PTPRT: variants seen among roughly 807,000 people sequenced by gnomAD.
PTPRT encodes the protein receptor-type tyrosine-protein phosphatase T.
PTPRT carries 56 observed loss-of-function variants against 176.8 expected under a neutral mutation model. The ratio of observed to expected loss-of-function variants is 0.32; its 90% CI spans 0.26 to 0.40. PTPRT has a LOEUF of 0.40. PTPRT is among the 10% of genes least tolerant of loss of function. PTPRT has a pLI of 1.00. For missense variants in PTPRT, 1,540 were observed against 1,908.2 expected (o/e 0.81, Z 3.60); for synonymous variants, 783 against 739.0 (o/e 1.06, Z -0.96).
chr20:42,177,695 T>C (rs1600636802), intron 16 of PTPRT, among the ~76,000 whole-genome samples: 1 of 152,198 alleles, frequency 6.6e-6, no homozygotes, highest in South Asian at 2.1e-4. Flanking sequence ...TGGCTTTAGT[T>C]TGGGGCCAGT....
At chr20:42,404,182 A>G (rs1351056675) in intron 9 of PTPRT, among the ~76,000 whole-genome samples, 2 of 152,140 alleles carry the variant, frequency 1.3e-5, no homozygotes, top group Non-Finnish European at 2.9e-5. Flanking sequence ...CATATGTTTG[A>G]GTTCTCACCA....
intron 9 of PTPRT, among the ~76,000 whole-genome samples, chr20:42,424,675 A>C (rs2059147509): frequency 6.6e-6 from 1 of 151,992 alleles, no homozygotes; most frequent in Non-Finnish European, 1.5e-5. Flanking sequence ...AGTGCAGTGA[A>C]ATTACAGCAA....
chr20:42,311,176 G>C (rs760994680), intron 12 of PTPRT, among the ~76,000 whole-genome samples: 4 of 152,216 alleles, frequency 2.6e-5, no homozygotes, highest in Non-Finnish European at 2.9e-5. Flanking sequence ...GATGAGATCA[G>C]GGATCTTTGC....
At chr20:43,021,593 C>CCCCAGATG (rs1348641183) in intron 1 of PTPRT, among the ~76,000 whole-genome samples, 3 of 152,030 alleles carry the variant, frequency 2.0e-5, no homozygotes, top group Non-Finnish European at 4.4e-5. Context: ...GGGGGCTGGG[C>CCCCAGATG]TGGGGTGTCT....
chr20:42,271,262 T>G (rs1216402844), intron 13 of PTPRT, among the ~76,000 whole-genome samples: 1 of 152,188 alleles, frequency 6.6e-6, no homozygotes, highest in Non-Finnish European at 1.5e-5. Context: ...CCTTCTTGTA[T>G]GTAAGCCTTC....
At chr20:42,184,183 T>C (rs1400071273) in intron 16 of PTPRT, among the ~76,000 whole-genome samples, 1 of 152,170 alleles carries the variant, frequency 6.6e-6, no homozygotes, top group African/African-American at 2.4e-5. Flanking sequence ...ACACAAGCTA[T>C]CCCTGTTGTA....
At chr20:42,772,457 T>G (rs542285522) in intron 4 of PTPRT, among the ~76,000 whole-genome samples, 2 of 152,252 alleles carry the variant, frequency 1.3e-5, no homozygotes, top group Admixed American at 1.3e-4. Context: ...AATCAGGGTG[T>G]GTATGAGCAG....
chr20:42,032,233 G>A, the PTPRT span, among the ~76,000 whole-genome samples: 1 of 152,160 alleles, frequency 6.6e-6, no homozygotes, highest in Non-Finnish European at 1.5e-5. Context: ...ATATCCATAG[G>A]AAGGACCACA....
intron 18 of PTPRT, among the ~76,000 whole-genome samples, chr20:42,131,164 C>G (rs1005998092): frequency 3.3e-5 from 5 of 152,316 alleles, no homozygotes; most frequent in African/African-American, 1.2e-4. Context: ...GGAGTGTGTG[C>G]AAACAGCTCT....
At chr20:43,018,292 C>T (rs753901925) in intron 1 of PTPRT, among the ~76,000 whole-genome samples, 7 of 152,276 alleles carry the variant, frequency 4.6e-5, no homozygotes, top group Non-Finnish European at 7.4e-5. Flanking sequence ...TGGAAAACAA[C>T]GTTCAGAGTT....
intron 1 of PTPRT, among the ~76,000 whole-genome samples, chr20:42,963,514 CCAAG>C (rs1161603896): frequency 2.0e-5 from 3 of 150,970 alleles, no homozygotes; most frequent in Non-Finnish European, 4.4e-5. Flanking sequence ...TCGTGAGTGC[CCAAG>C]CAAATTAAAT....
At chr20:42,363,290 ATATATATATATTTTTTTTTTTTTTTTT>A (rs1158846335) in intron 9 of PTPRT, among the ~76,000 whole-genome samples, 742 of 25,684 alleles carry the variant, frequency 0.029, 17 homozygotes, top group African/African-American at 0.11. Flanking sequence ...ATATATATAT[ATATATATATATTTTTTTTTTTTTTTTT>A]TTTTTTTTTG....
At chr20:43,059,109 T>G (rs914970636) in intron 1 of PTPRT, among the ~76,000 whole-genome samples, 2 of 152,236 alleles carry the variant, frequency 1.3e-5, no homozygotes, top group African/African-American at 4.8e-5. Flanking sequence ...GGTCTGACGA[T>G]CTCAGAATCA....
At chr20:42,766,450 G>A (rs538434386) in intron 5 of PTPRT, among the ~76,000 whole-genome samples, 1 of 152,212 alleles carries the variant, frequency 6.6e-6, no homozygotes, top group African/African-American at 2.4e-5. Flanking sequence ...TTCTGCATCG[G>A]TCCTGTCCAT....
chr20:43,038,578 T>C (rs1205997150), intron 1 of PTPRT, among the ~76,000 whole-genome samples: 1 of 152,216 alleles, frequency 6.6e-6, no homozygotes, highest in Non-Finnish European at 1.5e-5. Context: ...TATGATTATT[T>C]AACTTCATTC....
At chr20:42,152,240 C>A (rs1436064376) in intron 17 of PTPRT, among the ~76,000 whole-genome samples, 1 of 152,258 alleles carries the variant, frequency 6.6e-6, no homozygotes, top group Non-Finnish European at 1.5e-5. Flanking sequence ...AGAGGCCAAG[C>A]TTTCAACAAA....
intron 2 of PTPRT, among the ~76,000 whole-genome samples, chr20:42,796,444 C>A (rs1024899659): frequency 2.6e-5 from 4 of 152,158 alleles, no homozygotes; most frequent in African/African-American, 9.7e-5. Context: ...ACTTAACTAA[C>A]CCAACCTACT....
chr20:42,695,537 G>A (rs1015864716), intron 6 of PTPRT, among the ~76,000 whole-genome samples: 1 of 152,146 alleles, frequency 6.6e-6, no homozygotes, highest in Non-Finnish European at 1.5e-5. Flanking sequence ...TCAGGATGAT[G>A]AATAGTTAAT....
intron 7 of PTPRT, among the ~76,000 whole-genome samples, chr20:42,497,520 C>T (rs915866772): frequency 2.6e-4 from 39 of 152,066 alleles, no homozygotes; most frequent in African/African-American, 7.7e-4. Context: ...TGTGTTCAAG[C>T]GATCCTCCTG....
Sources: allele counts gnomAD v4.1 joint callset (sites outside exome capture counted in the v4.1 genomes callset), GRCh38; gene constraint gnomAD v4.1.1; transcripts MANE v1.5; gene names NCBI Gene and HGNC (gene_info 2026-07-23, HGNC 2026-07-21).